Variants in OR8J1 observed in about 807,000 individuals in gnomAD.
OR8J1 encodes the protein olfactory receptor 8J1.
For synonymous variants in OR8J1, 157 were observed against 144.3 expected, an observed-to-expected ratio of 1.09 and a Z score of -0.63; for missense variants, 400 against 373.0, an observed-to-expected ratio of 1.07 and a Z score of -0.60.
chr11:56,360,937 T>G lies in OR8J1; in HGVS notation c.691T>G (p.Ser231Ala). The change falls in exon 2 of 2, where the codon TCA becomes GCA. Residue 231 changes from serine (S) to alanine (A), a missense_variant. Physicochemically the swap from Ser to Ala is moderately conservative, Grantham distance 99 (BLOSUM62 1). Transcript: ENST00000533152. ...TTTGTCTATTTTAAAAATATGTTCA[T>G]CAGAAGGAAGGAAAAAAGCCTTTTC... Reference protein sequence around the residue: ...IVLSILKICSSEGRKKAFSTC... With the variant: ...IVLSILKICSAEGRKKAFSTC... 6.7e-7 allele frequency: 1 copy of G among 1,482,992 alleles called. No homozygotes were observed. The highest frequency in any genetic ancestry group is 8.9e-7 in the Non-Finnish European group (1 of 1,120,326). The allele number at this position is 1,482,992 out of a possible 1,614,324, so 91.9% of individuals were successfully genotyped here.
At chr11:56,357,871 A>G (rs1854991039) in intron 1 of OR8J1, 2 of 902,172 alleles carry the variant, frequency 2.2e-6, no homozygotes, top group South Asian at 2.6e-5. Flanking sequence ...TTCCCTGATT[A>G]TGATTCTGAA....
At chr11:56,355,592 C>T (rs1369772922) in intron 1 of OR8J1, among the ~76,000 whole-genome samples, 2 of 152,110 alleles carry the variant, frequency 1.3e-5, no homozygotes, top group Non-Finnish European at 2.9e-5. Flanking sequence ...CGTGCCATTG[C>T]ACTCCAGCCT....
chr11:56,357,694 A>T, intron 1 of OR8J1: 1 of 1,585,000 alleles, frequency 6.3e-7, no homozygotes, highest in Non-Finnish European at 8.6e-7. Context: ...GGCCAAGTGG[A>T]GGCGACTAGT....
At position 56,360,881 on chromosome 11, in the gene OR8J1, T is replaced by C. The variant is rs758306578; in HGVS notation, c.635T>C (p.Ile212Thr). The change falls in exon 2 of 2, where the codon ATT becomes ACT. Residue 212 changes from isoleucine to threonine, a missense_variant. Transcript: ENST00000533152. ...SAATNVVGSL[I>T]IVLVSYFNIV... ...GCAACAAATGTGGTTGGTTCCTTGA[T>C]TATAGTTCTAGTATCTTATTTCAAT... The C allele has an allele frequency of 1.3e-5, 20 of 1,509,210 alleles. No individual in the cohort carries two copies. The Admixed American group carries it at 4.8e-4, about 36-fold the overall frequency. 93.5% of individuals were successfully genotyped at this position (1,509,210 alleles called of 1,614,324 possible).
chr11:56,354,557 A>G (rs1418580273), intron 1 of OR8J1, among the ~76,000 whole-genome samples: 2 of 152,202 alleles, frequency 1.3e-5, no homozygotes, highest in African/African-American at 4.8e-5. Flanking sequence ...TGGCATCATT[A>G]TGTCTCATGT....
chr11:56,361,174 T>G lies in OR8J1; in HGVS notation c.928T>G (p.Cys310Gly), dbSNP rs1012428227. 3 of 1,367,578 alleles carry G rather than the reference T, an allele frequency of 2.2e-6. 1 individual carries two copies. In the South Asian group the frequency reaches 6.9e-5, roughly 32 times the overall value. 84.7% of individuals were successfully genotyped at this position (1,367,578 alleles called of 1,614,324 possible). The change falls in exon 2 of 2, where the codon TGC becomes GGC. Residue 310 changes from cysteine to glycine, a missense_variant. By Grantham distance (159) the Cys-to-Gly change is radical. Coordinates refer to ENST00000533152, the MANE Select transcript of OR8J1 (RefSeq NM_001005205.3). Reference sequence around the variant, plus strand: ...TCTACAGAGATTCATGACAAATCTGTGCTATTCCTTTAAAACAATGTAATT... The same window carrying G: ...TCTACAGAGATTCATGACAAATCTGGGCTATTCCTTTAAAACAATGTAATT... ...TALQRFMTNLCYSFKTM is the reference protein window; with the variant it reads ...TALQRFMTNLGYSFKTM
Position 56,361,029 on chromosome 11 carries a change from G to A in OR8J1, c.783G>A (p.Gln261=), listed in dbSNP as rs748753596. The part of the protein sequence containing the change: ...FYGTLLFMYV[Q]PRSNHSLDTD... Reference sequence around the variant, plus strand: ...GGACATTGCTATTCATGTATGTGCAGCCCCGAAGTAACCATTCACTGGATA... The same window carrying A: ...GGACATTGCTATTCATGTATGTGCAACCCCGAAGTAACCATTCACTGGATA... The change falls in exon 2 of 2, where the codon CAG becomes CAA. Residue 261 remains glutamine (Q), a synonymous_variant. Coordinates refer to ENST00000533152, the MANE Select transcript of OR8J1 (RefSeq NM_001005205.3). 3 of 1,497,934 alleles carry A rather than the reference G, an allele frequency of 2.0e-6. No homozygotes were observed. The highest frequency in any genetic ancestry group is 2.4e-5 in the East Asian group (1 of 41,864). The allele number at this position is 1,497,934 out of a possible 1,614,324, so 92.8% of individuals were successfully genotyped here.
At chr11:56,355,629 A>AAAACAAAC (rs925286471) in intron 1 of OR8J1, among the ~76,000 whole-genome samples, 24 of 152,226 alleles carry the variant, frequency 1.6e-4, no homozygotes, top group Non-Finnish European at 2.4e-4. Flanking sequence ...CTCAGTCTCA[A>AAAACAAAC]AAACAAACAA....
Position 56,360,229 on chromosome 11 carries a change from G to T in OR8J1, c.-18G>T. 1 of 1,542,304 alleles carries T rather than the reference G, an allele frequency of 6.5e-7. No individual in the cohort carries two copies. ...AACCTCTCTTTTCCCCCAAACAGAT[G>T]AATTTCCAAACTCTGACATGGCTCC... On this transcript the variant is annotated splice_region_variant and 5_prime_UTR_variant, in exon 2 of 2. It removes an upstream start codon present in the reference 5' UTR. Transcript: ENST00000533152.
chr11:56,356,235 G>A (rs938777267), intron 1 of OR8J1, among the ~76,000 whole-genome samples: 2 of 152,170 alleles, frequency 1.3e-5, no homozygotes, highest in Non-Finnish European at 2.9e-5. Context: ...AAGTAGAAGA[G>A]GGAGGTGCAT....
At chr11:56,357,718 T>C in intron 1 of OR8J1, 1 of 1,582,014 alleles carries the variant, frequency 6.3e-7, no homozygotes, top group South Asian at 1.1e-5. Context: ...GAATACAATG[T>C]GGAAAGCATT....
chr11:56,358,775 T>C (rs1852596013), intron 1 of OR8J1, among the ~76,000 whole-genome samples: 1 of 152,106 alleles, frequency 6.6e-6, no homozygotes, highest in African/African-American at 2.4e-5. Flanking sequence ...AGTAGGTCCA[T>C]AAAACAAGGG....
intron 1 of OR8J1, chr11:56,357,616 C>A: frequency 1.5e-6 from 2 of 1,309,116 alleles, no homozygotes; most frequent in South Asian, 1.2e-5. Context: ...TATGCTGCAG[C>A]CTATTGTACT....
intron 1 of OR8J1, among the ~76,000 whole-genome samples, chr11:56,358,477 A>T (rs2134914230): frequency 6.6e-6 from 1 of 152,248 alleles, no homozygotes; most frequent in Admixed American, 6.5e-5. Context: ...TCTTCCTATG[A>T]TTCATTAAAC....
At position 56,360,479 on chromosome 11, in the gene OR8J1, C is replaced by T. The variant is rs577737939; in HGVS notation, c.233C>T (p.Ala78Val). The T allele has an allele frequency of 1.2e-6, 2 of 1,614,142 alleles. No individual in the cohort carries two copies. Among genetic ancestry groups the T allele is most frequent in the Middle Eastern group, 1.7e-4 (1 of 6,060 alleles). ...LINLGNSTVI[A>V]PKMLINFLVK... is the part of the protein sequence containing the mutation. ...AATCTTGGTAACTCTACTGTCATTG[C>T]CCCTAAAATGCTGATTAACTTTTTA... Residue 78 changes from alanine (A) to valine (V), a missense_variant, in exon 2 of 2, where the codon GCC (alanine) becomes GTC (valine). Ala to Val is a moderately conservative substitution (Grantham distance 64). Coordinates refer to ENST00000533152, the MANE Select transcript of OR8J1 (RefSeq NM_001005205.3).
In OR8J1 at chr11:56,357,528, A is replaced by G. The variant is rs1039549200; in HGVS notation, c.-20-2699A>G. On this transcript the variant is annotated intron_variant, in intron 1 of 1. Transcript: ENST00000533152. ...CATTTGTCAGATTGCTTATGGCTGT[A>G]TAGAGGGGAATGTGATAGTCCGCGC... 3.5e-6 allele frequency: 3 copies of G among 847,136 alleles called. No individual in the cohort carries two copies. The African/African-American group carries it at 4.9e-5, about 14-fold the overall frequency. The allele number at this position is 847,136 out of a possible 1,614,324, so 52.5% of individuals were successfully genotyped here. A position where few individuals can be genotyped will look rare whatever the true frequency, so the allele number is the denominator to read the frequency against.
At chr11:56,356,286 TC>T (rs1854967210) in intron 1 of OR8J1, among the ~76,000 whole-genome samples, 1 of 152,188 alleles carries the variant, frequency 6.6e-6, no homozygotes, top group African/African-American at 2.4e-5. Flanking sequence ...AATAGTGCAA[TC>T]TTGAGATTTA....
chr11:56,357,184 T>C (rs564094965), intron 1 of OR8J1: 88 of 206,836 alleles, frequency 4.3e-4, no homozygotes, highest in African/African-American at 1.8e-3. Flanking sequence ...TATAATTCAT[T>C]ATCTTTACAA....
chr11:56,355,033 G>A (rs1854948945), intron 1 of OR8J1, among the ~76,000 whole-genome samples: 1 of 152,008 alleles, frequency 6.6e-6, no homozygotes, highest in African/African-American at 2.4e-5. Flanking sequence ...GATTCCTGGT[G>A]TAATGGGACA....
Sources: gnomAD v4.1 joint callset for allele counts (sites outside exome capture counted in the v4.1 genomes callset) on GRCh38, gnomAD v4.1.1 for gene constraint, MANE v1.5 for transcripts, NCBI Gene and HGNC (gene_info 2026-07-23, HGNC 2026-07-21) for gene names.